The following ZFHX4 variants were observed in gnomAD, a reference collection of about 807,000 sequenced individuals.
ZFHX4 encodes the protein zinc finger homeobox protein 4.
ZFHX4 carries 56 observed loss-of-function variants against 267.6 expected under a neutral mutation model. The ratio of observed to expected loss-of-function variants is 0.21; its 90% CI spans 0.17 to 0.26. The LOEUF (loss-of-function observed/expected upper bound fraction) is 0.26. Among genes scored for constraint, ZFHX4 ranks in the 10% least tolerant of loss-of-function variants. The pLI is 1.00. For synonymous variants in ZFHX4, 1,778 were observed against 1,665.6 expected (o/e 1.07, Z -1.64); for missense variants, 4,332 against 4,420.0 (o/e 0.98, Z 0.56).
At chr8:76,836,967 G>T (rs1372140040) in intron 5 of ZFHX4, among the ~76,000 whole-genome samples, 1 of 152,082 alleles carries the variant, frequency 6.6e-6, no homozygotes, top group Admixed American at 6.6e-5. Flanking sequence ...GATGACTCTT[G>T]CTTGTGCTGG....
intron 3 of ZFHX4, among the ~76,000 whole-genome samples, chr8:76,738,502 C>A (rs1222295324): frequency 1.3e-5 from 2 of 152,144 alleles, no homozygotes; most frequent in Admixed American, 6.6e-5. Flanking sequence ...ACCAAAGCCA[C>A]CGATTTGCTT....
At chr8:76,770,522 G>A (rs532385021) in intron 3 of ZFHX4, among the ~76,000 whole-genome samples, 1 of 152,010 alleles carries the variant, frequency 6.6e-6, no homozygotes, top group Non-Finnish European at 1.5e-5. Context: ...CTATATGCTG[G>A]ACATTATTTA....
chr8:76,853,809 A>T lies in ZFHX4; in HGVS notation c.6888A>T (p.Lys2296Asn). Residue 2296 changes from lysine to asparagine, a missense_variant, in exon 10 of 11, where the codon AAA becomes AAT. Around this residue, in one of 7 missense-constraint regions of ZFHX4, gnomAD observed 1,648 missense variants for 1,625.0 expected, o/e 1.01. Coordinates refer to ENST00000651372, the MANE Select transcript of ZFHX4 (RefSeq NM_024721.5). Reference protein sequence around the residue: ...ENQAETKDNEKRELTNERYIR... With the variant: ...ENQAETKDNENRELTNERYIR... ...AAGCAGAAACAAAAGATAATGAAAAAAGAGAACTCACTAATGAACGGTACA... is the reference window on the plus strand; with the variant it reads ...AAGCAGAAACAAAAGATAATGAAAATAGAGAACTCACTAATGAACGGTACA... 6.2e-7 allele frequency: 1 copy of T among 1,613,882 alleles called. No individual in the cohort carries two copies.
chr8:76,693,621 T>G (rs1308169062), intron 1 of ZFHX4: 1 of 152,218 alleles, frequency 6.6e-6, no homozygotes, highest in Non-Finnish European at 1.5e-5. Context: ...ATGCTTACGC[T>G]GGAGATTATT....
chr8:76,823,148 A>G (rs1811698525), intron 4 of ZFHX4, among the ~76,000 whole-genome samples: 1 of 142,056 alleles, frequency 7.0e-6, no homozygotes, highest in Non-Finnish European at 1.5e-5. Context: ...TTTTTTTTTT[A>G]ACAGTGAGAC....
chr8:76,834,136 A>G lies in ZFHX4; in HGVS notation c.3394+730A>G, dbSNP rs1185693276. 8.8e-6 allele frequency: 4 copies of G among 452,390 alleles called. No homozygotes were observed. The Admixed American group carries it at 9.5e-5, about 11-fold the overall frequency. 28.0% of individuals were successfully genotyped at this position (452,390 alleles called of 1,614,324 possible). A position where few individuals can be genotyped will look rare whatever the true frequency, so the allele number is the denominator to read the frequency against. ...TATGTCACAGCTTATTTATCCACCT[A>G]CTGAGAACATCTTGGTTGATTCCAA... On this transcript the variant is annotated intron_variant, in intron 5 of 10. Transcript: ENST00000651372.
intron 4 of ZFHX4, among the ~76,000 whole-genome samples, chr8:76,804,587 A>G (rs1811200896): frequency 6.6e-6 from 1 of 152,206 alleles, no homozygotes; most frequent in Non-Finnish European, 1.5e-5. Context: ...TTCAAACATT[A>G]CCTTTAAAAA....
intron 3 of ZFHX4, among the ~76,000 whole-genome samples, chr8:76,764,738 C>T (rs1349640929): frequency 1.3e-5 from 2 of 152,180 alleles, no homozygotes; most frequent in Admixed American, 1.3e-4. Flanking sequence ...CGACCTCTGA[C>T]TGTTAGTTTC....
At chr8:76,741,153 T>C (rs888245648) in intron 3 of ZFHX4, among the ~76,000 whole-genome samples, 1 of 152,058 alleles carries the variant, frequency 6.6e-6, no homozygotes. Context: ...GAGAAGATGA[T>C]GAAGTGCAGC....
Position 76,704,492 on chromosome 8 carries a change from C to CTGA in ZFHX4, c.407_409dup (p.Asp136dup), listed in dbSNP as rs768472462. 6.2e-7 allele frequency: 1 copy of CTGA among 1,613,942 alleles called. No homozygotes were observed. The highest frequency in any genetic ancestry group is 8.5e-7 in the Non-Finnish European group (1 of 1,179,886). The stretch of plus-strand genomic sequence containing the variant: ...CTAACAGGGGAGATCGTTTACCAGC[C>CTGA]TGATGGGTCAGCATATATAATTGAG... On this transcript the variant is annotated inframe_insertion, in exon 2 of 11. Coordinates refer to ENST00000651372, the MANE Select transcript of ZFHX4 (RefSeq NM_024721.5).
intron 1 of ZFHX4, among the ~76,000 whole-genome samples, chr8:76,686,944 C>T (rs189763129): frequency 6.6e-6 from 1 of 152,188 alleles, no homozygotes; most frequent in Non-Finnish European, 1.5e-5. Context: ...GGGTTTCCCC[C>T]CCTTCTAAGA....
chr8:76,835,253 A>ATATGTATATATATG (rs1585993215), intron 5 of ZFHX4, among the ~76,000 whole-genome samples: 9 of 136,696 alleles, frequency 6.6e-5, no homozygotes, highest in Non-Finnish European at 1.1e-4. Context: ...ATATATATAT[A>ATATGTATATATATG]TATATATTCA....
intron 4 of ZFHX4, among the ~76,000 whole-genome samples, chr8:76,805,735 A>G (rs1350125219): frequency 1.3e-5 from 2 of 152,056 alleles, no homozygotes; most frequent in Non-Finnish European, 2.9e-5. Flanking sequence ...TTCTTCTACA[A>G]GAAGAACAAT....
At position 76,839,838 on chromosome 8, in the gene ZFHX4, C is replaced by T. The variant is rs779593440; in HGVS notation, c.3395-2817C>T. ...GATACGTGGTGCTTGAAAGTTAGAA[C>T]GTAGCCACTCCTTCCCTTAACCCGA... On this transcript the variant is annotated intron_variant, in intron 5 of 10. Transcript: ENST00000651372. 8.5e-5 allele frequency among the ~76,000 whole-genome samples: 13 copies of T among 152,212 alleles called. No homozygotes were observed. The East Asian group carries it at 1.4e-3, about 16-fold the overall frequency.
At position 76,681,417 on chromosome 8, in the gene ZFHX4, G is replaced by A. The variant is rs1204710406; in HGVS notation, c.-250G>A. On this transcript the variant is annotated 5_prime_UTR_variant, in exon 1 of 11. Coordinates refer to ENST00000651372, the MANE Select transcript of ZFHX4 (RefSeq NM_024721.5). ...GTCGGCACATGCTTTAACTCCTCCC[G>A]GACCCCCGAGGACCGCTCCATGCCC... 6 of 397,838 alleles carry A rather than the reference G, an allele frequency of 1.5e-5. No individual in the cohort carries two copies. Among genetic ancestry groups the A allele is most frequent in the Non-Finnish European group, 2.7e-5 (6 of 225,914 alleles). 24.6% of individuals were successfully genotyped at this position (397,838 alleles called of 1,614,324 possible).
chr8:76,782,282 A>G, intron 4 of ZFHX4: 1 of 391,918 alleles, frequency 2.6e-6, no homozygotes, highest in South Asian at 1.9e-5. Flanking sequence ...TGAAATGTAC[A>G]CTCTGTCTGG....
chr8:76,863,567 G>A lies in ZFHX4; in HGVS notation c.9853G>A (p.Gly3285Arg), dbSNP rs1812936465. Reference protein sequence around the residue: ...TPQLPGTVQGGYFPPVCGMES... With the variant: ...TPQLPGTVQGRYFPPVCGMES... ...TCAGCTCCCTGGAACAGTGCAGGGG[G>A]GATACTTCCCACCTGTCTGTGGCAT... Residue 3285 changes from glycine to arginine, a missense_variant, in exon 11 of 11, where the codon GGA becomes AGA. Around this residue, in one of 7 missense-constraint regions of ZFHX4, gnomAD observed 1,648 missense variants for 1,625.0 expected, o/e 1.01. Transcript: ENST00000651372. The A allele has an allele frequency of 6.2e-7, 1 of 1,613,754 alleles. No individual in the cohort carries two copies. The highest frequency in any genetic ancestry group is 8.5e-7 in the Non-Finnish European group (1 of 1,179,814).
intron 4 of ZFHX4, among the ~76,000 whole-genome samples, chr8:76,803,206 C>G (rs1811158126): frequency 6.6e-6 from 1 of 151,772 alleles, no homozygotes; most frequent in Admixed American, 6.6e-5. Flanking sequence ...AAAAATCCAG[C>G]CTTTTCTTTT....
chr8:76,807,445 C>T (rs1197276160), intron 4 of ZFHX4, among the ~76,000 whole-genome samples: 2 of 152,054 alleles, frequency 1.3e-5, no homozygotes, highest in Admixed American at 1.3e-4. Context: ...TTTCTCTCTC[C>T]TACCAGGAAT....
Sources: allele counts gnomAD v4.1 joint callset (sites outside exome capture counted in the v4.1 genomes callset), GRCh38; gene constraint gnomAD v4.1.1; regional missense constraint gnomAD v4.1.1; transcripts MANE v1.5; gene names NCBI Gene and HGNC (gene_info 2026-07-23, HGNC 2026-07-21).